The following SVEP1 variants were observed in gnomAD, a reference collection of about 807,000 sequenced individuals.
The protein encoded by SVEP1 is sushi, von Willebrand factor type A, EGF and pentraxin domain-containing protein 1.
SVEP1 carries 164 observed loss-of-function variants against 367.3 expected under a neutral mutation model. That is an observed-to-expected ratio of 0.45 (90% CI 0.39 to 0.51). The LOEUF (loss-of-function observed/expected upper bound fraction) is 0.51. Among genes scored for constraint, SVEP1 ranks in the 20% least tolerant of loss-of-function variants. The probability of loss-of-function intolerance (pLI) is 0.00; values close to 1 mark genes in which losing one functional copy is unlikely to be tolerated. For missense variants in SVEP1, 4,117 were observed against 4,425.3 expected, an observed-to-expected ratio of 0.93 and a Z score of 1.98; for synonymous variants, 1,666 against 1,611.6, an observed-to-expected ratio of 1.03 and a Z score of -0.81.
Position 110,365,828 on chromosome 9 carries a change from C to T in SVEP1, c.*711G>A, listed in dbSNP as rs978298095. On this transcript the variant is annotated 3_prime_UTR_variant, in exon 48 of 48. Coordinates refer to ENST00000374469, the MANE Select transcript of SVEP1 (RefSeq NM_153366.4). ...CTTATTCCAGCCACGAGAAAGAAGG[C>T]TAGCACTTTCATTGTGAACCAAGGT... 2.6e-5 allele frequency: 4 copies of T among 152,210 alleles called. No individual in the cohort carries two copies. Among genetic ancestry groups the T allele is most frequent in the Non-Finnish European group, 5.9e-5 (4 of 68,052 alleles). The allele number at this position is 152,210 out of a possible 1,614,324, so 9.4% of individuals were successfully genotyped here. A position where few individuals can be genotyped will look rare whatever the true frequency, so the allele number is the denominator to read the frequency against.
chr9:110,399,250 A>C (rs1302820222), intron 40 of SVEP1, among the ~76,000 whole-genome samples: 1 of 151,992 alleles, frequency 6.6e-6, no homozygotes, highest in African/African-American at 2.4e-5. Context: ...CAAGGATAAA[A>C]AACCAAACAC....
At chr9:110,424,735 C>A (rs374100199) in intron 36 of SVEP1, among the ~76,000 whole-genome samples, 1 of 152,120 alleles carries the variant, frequency 6.6e-6, no homozygotes, top group African/African-American at 2.4e-5. Flanking sequence ...AGTGCAATGG[C>A]GCGATCTCAG....
intron 1 of SVEP1, among the ~76,000 whole-genome samples, chr9:110,563,079 T>C (rs967940757): frequency 6.6e-6 from 1 of 152,152 alleles, no homozygotes; most frequent in Non-Finnish European, 1.5e-5. Context: ...TACTGAGAGG[T>C]ATTGAGAAAA....
chr9:110,502,564 C>T (rs1027373111), intron 6 of SVEP1, among the ~76,000 whole-genome samples: 10 of 151,880 alleles, frequency 6.6e-5, no homozygotes, highest in Non-Finnish European at 1.0e-4. Flanking sequence ...TTCAATTTGC[C>T]TTGCAGTTGT....
At chr9:110,489,593 G>T in intron 9 of SVEP1, 57 bp downstream of exon 9, 1 of 1,533,182 alleles carries the variant, frequency 6.5e-7, no homozygotes, top group South Asian at 1.2e-5. Flanking sequence ...GGGAATTATG[G>T]GAGCCACAGT....
intron 23 of SVEP1, 53 bp from the exon 24 acceptor site, chr9:110,450,313 A>C: frequency 6.4e-7 from 1 of 1,574,680 alleles, no homozygotes. Context: ...CCCTGGGAAC[A>C]CTGTAACTAA....
chr9:110,391,276 T>G (rs1246069958), intron 40 of SVEP1, among the ~76,000 whole-genome samples: 1 of 150,748 alleles, frequency 6.6e-6, no homozygotes, highest in East Asian at 1.9e-4. Context: ...TTTGTCTTTT[T>G]TTTTTTTTTT....
chr9:110,571,971 ATTTTACAGCCATCGTTTACAT>A (rs1830568436), intron 1 of SVEP1, among the ~76,000 whole-genome samples: 1 of 152,316 alleles, frequency 6.6e-6, no homozygotes, highest in East Asian at 1.9e-4. Flanking sequence ...TGGAATGAAT[ATTTTACAGCCATCGTTTACAT>A]TCTCTGGGTT....
At position 110,427,652 on chromosome 9, in the gene SVEP1, C is replaced by T; in HGVS notation, c.5914G>A (p.Ala1972Thr). 1.2e-6 allele frequency: 2 copies of T among 1,613,902 alleles called. No individual in the cohort carries two copies. Among genetic ancestry groups the T allele is most frequent in the African/African-American group, 2.7e-5 (2 of 75,026 alleles). ...FCGEPPAIKD[A>T]VITGNNFTFR... ...GTGAAGTTATTCCCCGTAATGACAGCATCTTTGATGGCAGGTGGTTCTCCA... is the reference window on the plus strand; with the variant it reads ...GTGAAGTTATTCCCCGTAATGACAGTATCTTTGATGGCAGGTGGTTCTCCA... Residue 1972 changes from alanine (A) to threonine (T), a missense_variant, in exon 36 of 48, where the codon GCT becomes ACT. Physicochemically the swap from Ala to Thr is moderately conservative, Grantham distance 58. Around this residue, in one of 4 missense-constraint regions of SVEP1, gnomAD observed 2,174 missense variants for 2,494.3 expected, o/e 0.87. Coordinates refer to ENST00000374469, the MANE Select transcript of SVEP1 (RefSeq NM_153366.4).
chr9:110,503,293 C>A, intron 5 of SVEP1, 76 bp from the exon 6 acceptor site: 1 of 1,386,980 alleles, frequency 7.2e-7, no homozygotes, highest in Non-Finnish European at 9.9e-7. Flanking sequence ...TTAGCAATGC[C>A]TGCACATTGC....
At chr9:110,384,844 G>C (rs1827496292) in intron 43 of SVEP1, among the ~76,000 whole-genome samples, 1 of 152,180 alleles carries the variant, frequency 6.6e-6, no homozygotes, top group African/African-American at 2.4e-5. Context: ...TTGTAGGCAT[G>C]ATACATTCTT....
At chr9:110,546,055 A>C in intron 3 of SVEP1, 60 bp downstream of exon 3, 2 of 1,530,458 alleles carry the variant, frequency 1.3e-6, no homozygotes, top group Non-Finnish European at 1.8e-6. Flanking sequence ...TAGCCATTGC[A>C]TTTTAGAATC....
chr9:110,397,617 CCTT>C (rs545360149), intron 40 of SVEP1, among the ~76,000 whole-genome samples: 3,217 of 152,262 alleles, frequency 0.021, 109 homozygotes, highest in African/African-American at 0.073. Context: ...CCCAAAATCT[CCTT>C]AAGTGGATAA....
chr9:110,448,171 T>TCGCGCGCGTGTGTGTGTGCGCGCGCTCG (rs10687262), intron 24 of SVEP1, among the ~76,000 whole-genome samples: 8 of 134,388 alleles, frequency 6.0e-5, no homozygotes, highest in Non-Finnish European at 1.3e-4. Flanking sequence ...GTGCGCGCGC[T>TCGCGCGCGTGTGTGTGTGCGCGCGCTCG]CGCGCGTGTG....
intron 5 of SVEP1, among the ~76,000 whole-genome samples, chr9:110,511,712 A>G (rs1588086960): frequency 6.6e-6 from 1 of 151,910 alleles, no homozygotes; most frequent in East Asian, 1.9e-4. Flanking sequence ...ATGTAGGCCA[A>G]TTTACATTTA....
rs373619658 is a variant in SVEP1 at position 110,399,602 on chromosome 9, TGG to T, written c.9822+1250_9822+1251del. Among the ~76,000 whole-genome samples, 56 of 152,218 alleles carry T rather than the reference TGG, an allele frequency of 3.7e-4. No individual in the cohort carries two copies. The East Asian group carries it at 8.3e-3, about 23-fold the overall frequency. On this transcript the variant is annotated intron_variant, in intron 40 of 47. Transcript: ENST00000374469. ...AGGCTGGAGTGCAATGGTGCGATCT[TGG>T]CTCACTGCAACCTCTGCCTCCTGGG...
chr9:110,504,020 T>TTTTTATTTTA, intron 5 of SVEP1, among the ~76,000 whole-genome samples: 1 of 148,536 alleles, frequency 6.7e-6, no homozygotes, highest in East Asian at 2.0e-4. Flanking sequence ...GCTTTTTATT[T>TTTTTATTTTA]TTTTATTTTA....
rs993364453 is a variant in SVEP1, at chr9:110,523,120, T to C, written c.965-9014A>G. Reference sequence around the variant, plus strand: ...TCAAGTCCCAGTACAATTTAGAATATAGTCCTTACTCTTACTTGTCTTGCC... The same window carrying C: ...TCAAGTCCCAGTACAATTTAGAATACAGTCCTTACTCTTACTTGTCTTGCC... On this transcript the variant is annotated intron_variant, in intron 3 of 47. Coordinates refer to ENST00000374469, the MANE Select transcript of SVEP1 (RefSeq NM_153366.4). 3.9e-5 allele frequency among the ~76,000 whole-genome samples: 6 copies of C among 152,190 alleles called. No homozygotes were observed. In the East Asian group the frequency reaches 7.7e-4, roughly 20 times the overall value.
At chr9:110,560,317 A>C (rs1336794125) in intron 1 of SVEP1, among the ~76,000 whole-genome samples, 1 of 152,186 alleles carries the variant, frequency 6.6e-6, no homozygotes, top group African/African-American at 2.4e-5. Context: ...TATTCACACA[A>C]TAACAAAATT....
Sources: allele counts gnomAD v4.1 joint callset (sites outside exome capture counted in the v4.1 genomes callset), GRCh38; gene constraint gnomAD v4.1.1; regional missense constraint gnomAD v4.1.1; transcripts MANE v1.5; gene names NCBI Gene and HGNC (gene_info 2026-07-23, HGNC 2026-07-21).